LPAR3: variants seen among roughly 807,000 people sequenced by gnomAD.
LPAR3 encodes the protein LPA receptor 3.
A neutral mutation model predicts 17.8 loss-of-function variants in LPAR3; 7 were observed. The ratio of observed to expected loss-of-function variants is 0.39; its 90% confidence interval spans 0.22 to 0.74. The LOEUF (loss-of-function observed/expected upper bound fraction) is 0.74, where lower values mean the gene tolerates loss of function less well. LPAR3 is among the 30% of genes least tolerant of loss of function. The pLI is 0.40. For synonymous variants in LPAR3, 179 were observed against 179.9 expected (o/e 0.99, Z 0.04); for missense variants, 391 against 453.4 (o/e 0.86, Z 1.25).
chr1:84,816,730 G>C (rs920791771), intron 2 of LPAR3, among the ~76,000 whole-genome samples: 16 of 152,160 alleles, frequency 1.1e-4, no homozygotes, highest in Admixed American at 5.9e-4. Flanking sequence ...CCCAGGAGGC[G>C]AAGTTGCAGT....
At chr1:84,827,371 T>C (rs1659179240) in intron 2 of LPAR3, among the ~76,000 whole-genome samples, 1 of 152,126 alleles carries the variant, frequency 6.6e-6, no homozygotes, top group African/African-American at 2.4e-5. Flanking sequence ...TTATGTATTA[T>C]GGGGGTAGGG....
At chr1:84,892,675 C>G (rs955279646) in intron 1 of LPAR3, among the ~76,000 whole-genome samples, 1 of 152,240 alleles carries the variant, frequency 6.6e-6, no homozygotes, top group Non-Finnish European at 1.5e-5. Context: ...TGGAAAGAAC[C>G]ACGTGTGCAA....
At chr1:84,821,276 T>C (rs1236351916) in intron 2 of LPAR3, among the ~76,000 whole-genome samples, 5 of 152,062 alleles carry the variant, frequency 3.3e-5, no homozygotes, top group African/African-American at 1.2e-4. Context: ...TGTAGCAGAA[T>C]GGGCTCTCAT....
chr1:84,870,664 G>A (rs1002208496), intron 1 of LPAR3, among the ~76,000 whole-genome samples: 1 of 152,004 alleles, frequency 6.6e-6, no homozygotes, highest in Non-Finnish European at 1.5e-5. Context: ...TTATCTCATG[G>A]TATCCTCCCA....
At chr1:84,876,605 T>C (rs77414294) in intron 1 of LPAR3, among the ~76,000 whole-genome samples, 1 of 152,108 alleles carries the variant, frequency 6.6e-6, no homozygotes, top group African/African-American at 2.4e-5. Flanking sequence ...CCATCTCTTG[T>C]TGGTTTCTAC....
Position 84,880,678 on chromosome 1 carries a change from G to A in LPAR3, c.-19+12338C>T, listed in dbSNP as rs184350604. On this transcript the variant is annotated intron_variant, in intron 1 of 2. Coordinates refer to ENST00000370611, the MANE Select transcript of LPAR3 (RefSeq NM_012152.3). Reference sequence around the variant, plus strand: ...TTGACCCAGAGTGGGATTTGGATGCGGTAACTGACCTGTGGAACTGACTAG... The same window carrying A: ...TTGACCCAGAGTGGGATTTGGATGCAGTAACTGACCTGTGGAACTGACTAG... Among the ~76,000 whole-genome samples, 15 of 152,284 alleles carry A rather than the reference G, an allele frequency of 9.9e-5. 1 individual carries two copies. The South Asian group carries it at 1.5e-3, about 15-fold the overall frequency.
In LPAR3 at chr1:84,813,629, C is replaced by T. The variant is rs750341253; in HGVS notation, c.*217G>A. 8 of 525,490 alleles carry T rather than the reference C, an allele frequency of 1.5e-5. No homozygotes were observed. Among genetic ancestry groups the T allele is most frequent in the South Asian group, 2.5e-5 (1 of 39,618 alleles). 32.6% of individuals were successfully genotyped at this position (525,490 alleles called of 1,614,324 possible). On this transcript the variant is annotated 3_prime_UTR_variant, in exon 3 of 3. Transcript: ENST00000370611. Reference sequence around the variant, plus strand: ...GTTCATAGGACAAGCAGGGACCCGCCGAACCTCTCCCGTTTCTGTGCTTTC... The same window carrying T: ...GTTCATAGGACAAGCAGGGACCCGCTGAACCTCTCCCGTTTCTGTGCTTTC...
chr1:84,892,144 C>T (rs970822894), intron 1 of LPAR3, among the ~76,000 whole-genome samples: 1 of 151,744 alleles, frequency 6.6e-6, no homozygotes, highest in African/African-American at 2.4e-5. Context: ...ACCTGGGAGG[C>T]GGAGGTTGCA....
chr1:84,866,270 T>A, intron 1 of LPAR3, 132 bp from the exon 2 acceptor site: 3 of 666,064 alleles, frequency 4.5e-6, no homozygotes, highest in Non-Finnish European at 7.8e-6. Context: ...CAGGTCTCAG[T>A]GCAAATGTCC....
Position 84,880,265 on chromosome 1 carries a change from T to C in LPAR3, c.-19+12751A>G, listed in dbSNP as rs149759946. Among the ~76,000 whole-genome samples the C allele has an allele frequency of 3.6e-3, 541 of 152,256 alleles. 2 individuals are homozygous for C. Among genetic ancestry groups the C allele is most frequent in the African/African-American group, 0.012 (508 of 41,542 alleles). ...GAACTGCTTGAACAGAACCAGAACA[T>C]GAGCTTGTTTTGGCTGCTCCTTGCA... On this transcript the variant is annotated intron_variant, in intron 1 of 2. Transcript: ENST00000370611.
intron 1 of LPAR3, among the ~76,000 whole-genome samples, chr1:84,891,711 T>C (rs1389530075): frequency 1.3e-5 from 2 of 152,168 alleles, no homozygotes; most frequent in Non-Finnish European, 2.9e-5. Context: ...TACATGGAAT[T>C]TGTAAAGAGG....
At chr1:84,846,350 C>T (rs918665924) in intron 2 of LPAR3, among the ~76,000 whole-genome samples, 131 of 152,300 alleles carry the variant, frequency 8.6e-4, no homozygotes, top group African/African-American at 3.1e-3. Context: ...TATTGCAGAA[C>T]TGCATACAAT....
chr1:84,836,682 T>C (rs1659412085), intron 2 of LPAR3, among the ~76,000 whole-genome samples: 1 of 152,214 alleles, frequency 6.6e-6, no homozygotes, highest in African/African-American at 2.4e-5. Flanking sequence ...AGATGGCCTT[T>C]CAGGAAGACC....
intron 1 of LPAR3, among the ~76,000 whole-genome samples, chr1:84,871,614 T>C (rs1411500622): frequency 6.6e-6 from 1 of 152,174 alleles, no homozygotes; most frequent in Non-Finnish European, 1.5e-5. Flanking sequence ...GGGAGTTGGA[T>C]GTTAGGTTAG....
Position 84,811,833 on chromosome 1 carries a change from A to T in LPAR3, c.*2013T>A, listed in dbSNP as rs1658818845. The T allele has an allele frequency of 6.6e-6, 1 of 152,196 alleles. No homozygotes were observed. The highest frequency in any genetic ancestry group is 2.1e-4 in the South Asian group (1 of 4,826). The allele number at this position is 152,196 out of a possible 1,614,324, so 9.4% of individuals were successfully genotyped here. On this transcript the variant is annotated 3_prime_UTR_variant, in exon 3 of 3. Transcript: ENST00000370611. ...TAAACTTCTTTTGCAAACTACATAA[A>T]TACTATAATATCTACCTTGAAGTTA...
rs534970556 is a variant in LPAR3 at position 84,866,160 on chromosome 1, A to G, written c.-18-22T>C. ...CATCCTAGAAAGAAATTTAAAGAAGAAACAAATATCATTTGTAAAATCAGT... is the reference window on the plus strand; with the variant it reads ...CATCCTAGAAAGAAATTTAAAGAAGGAACAAATATCATTTGTAAAATCAGT... On this transcript the variant is annotated intron_variant, in intron 1 of 2. Transcript: ENST00000370611. The G allele has an allele frequency of 6.0e-6, 9 of 1,510,646 alleles. No homozygotes were observed. The East Asian group carries it at 1.6e-4, about 27-fold the overall frequency. The allele number at this position is 1,510,646 out of a possible 1,614,324, so 93.6% of individuals were successfully genotyped here.
chr1:84,837,911 A>G (rs1659435731), intron 2 of LPAR3, among the ~76,000 whole-genome samples: 3 of 152,210 alleles, frequency 2.0e-5, no homozygotes, highest in Non-Finnish European at 1.5e-5. Context: ...CAGAAATGGT[A>G]TCCTTAGATT....
chr1:84,855,375 C>A, intron 2 of LPAR3, among the ~76,000 whole-genome samples: 1 of 152,116 alleles, frequency 6.6e-6, no homozygotes, highest in South Asian at 2.1e-4. Context: ...GAAATCAAAG[C>A]CCTAAGAGAG....
At chr1:84,888,370 A>G (rs1660497610) in intron 1 of LPAR3, among the ~76,000 whole-genome samples, 3 of 152,318 alleles carry the variant, frequency 2.0e-5, no homozygotes, top group Admixed American at 1.3e-4. Context: ...CTAAAAATCA[A>G]ACAGGGCAGG....
Sources: gnomAD v4.1 joint callset for allele counts (sites outside exome capture counted in the v4.1 genomes callset) on GRCh38, gnomAD v4.1.1 for gene constraint, MANE v1.5 for transcripts, NCBI Gene and HGNC (gene_info 2026-07-23, HGNC 2026-07-21) for gene names.